Variants in DLC1 observed in about 807,000 individuals in gnomAD.
The protein encoded by DLC1 is rho GTPase-activating protein 7.
DLC1 carries 54 observed loss-of-function variants against 140.3 expected under a neutral mutation model. The ratio of observed to expected loss-of-function variants is 0.38; its 90% CI spans 0.31 to 0.48. The LOEUF (loss-of-function observed/expected upper bound fraction) is 0.48, where lower values mean the gene tolerates loss of function less well. DLC1 is among the 20% of genes least tolerant of loss of function. The pLI is 0.96. For missense variants in DLC1, 2,536 were observed against 1,907.0 expected (o/e 1.33, Z -6.14); for synonymous variants, 986 against 728.1 (o/e 1.35, Z -5.70).
At chr8:13,399,983 GT>G (rs1332567145) in intron 3 of DLC1, among the ~76,000 whole-genome samples, 6 of 152,028 alleles carry the variant, frequency 3.9e-5, no homozygotes, top group African/African-American at 1.2e-4. Context: ...TTGGTAGATG[GT>G]CCAGGTCCTA....
chr8:13,585,398 C>T (rs1215970938), intron 1 of DLC1, among the ~76,000 whole-genome samples: 2 of 151,784 alleles, frequency 1.3e-5, no homozygotes, highest in Non-Finnish European at 2.9e-5. Context: ...ACTCTCATCT[C>T]TATAAAAAAT....
chr8:13,363,815 C>A (rs902083518), intron 4 of DLC1, among the ~76,000 whole-genome samples: 35 of 152,144 alleles, frequency 2.3e-4, no homozygotes, highest in Non-Finnish European at 2.8e-4. Flanking sequence ...TCATTTGGAT[C>A]TTAGATTTGG....
At chr8:13,539,022 G>C (rs1803394917) in intron 1 of DLC1, among the ~76,000 whole-genome samples, 1 of 151,838 alleles carries the variant, frequency 6.6e-6, no homozygotes, top group Non-Finnish European at 1.5e-5. Context: ...AAATTATTTT[G>C]ATCTTCATAG....
At chr8:13,216,462 C>T (rs973682725) in intron 5 of DLC1, among the ~76,000 whole-genome samples, 1 of 152,072 alleles carries the variant, frequency 6.6e-6, no homozygotes, top group African/African-American at 2.4e-5. Flanking sequence ...GGGCTCAAGT[C>T]CATTTCTAGT....
At chr8:13,297,080 T>C (rs962761622) in intron 5 of DLC1, among the ~76,000 whole-genome samples, 4 of 151,538 alleles carry the variant, frequency 2.6e-5, no homozygotes, top group African/African-American at 9.7e-5. Context: ...ATCTTTGGCA[T>C]TGAAGAATAG....
intron 5 of DLC1, among the ~76,000 whole-genome samples, chr8:13,302,545 C>T (rs1832243898): frequency 6.6e-6 from 1 of 152,126 alleles, no homozygotes; most frequent in Non-Finnish European, 1.5e-5. Flanking sequence ...AGCAATCACA[C>T]AACTGTAATT....
At chr8:13,487,134 C>T (rs1030190011) in intron 2 of DLC1, among the ~76,000 whole-genome samples, 3 of 152,124 alleles carry the variant, frequency 2.0e-5, no homozygotes, top group Non-Finnish European at 4.4e-5. Flanking sequence ...CAGTAGTGAC[C>T]GCTTGGTTCT....
Position 13,110,736 on chromosome 8 carries a change from A to G in DLC1, c.1502+6T>C. 6.2e-7 allele frequency: 1 copy of G among 1,613,210 alleles called. No individual in the cohort carries two copies. Among genetic ancestry groups the G allele is most frequent in the Non-Finnish European group, 8.5e-7 (1 of 1,179,518 alleles). ...AAAGGAAAACACTCAAAACGTGTCC[A>G]TTTACCTGCATAGAGCCTCAATGGC... is the stretch of plus-strand genomic sequence containing the variant. On this transcript the variant is annotated splice_donor_region_variant and intron_variant, in intron 7 of 17. Coordinates refer to ENST00000276297, the MANE Select transcript of DLC1 (RefSeq NM_182643.3).
Position 13,499,996 on chromosome 8 carries a change from C to A in DLC1, c.76G>T (p.Asp26Tyr), listed in dbSNP as rs1291192916. 3 of 1,614,108 alleles carry A rather than the reference C, an allele frequency of 1.9e-6. No homozygotes were observed. The highest frequency in any genetic ancestry group is 1.7e-5 in the Admixed American group (1 of 60,018). ...CCATGATGACATGCTGTGTTACGAT[C>A]ATCAGAATTAAAAGGCTGTCCCATC... is the stretch of plus-strand genomic sequence containing the variant. Reference protein sequence around the residue: ...HWMGQPFNSDDRNTACHHGLV... With the variant: ...HWMGQPFNSDYRNTACHHGLV... Residue 26 changes from aspartate to tyrosine, a missense_variant, in exon 2 of 18, where the codon GAT becomes TAT. Transcript: ENST00000276297.
intron 5 of DLC1, among the ~76,000 whole-genome samples, chr8:13,128,917 G>GCAGAACAAATTATGATGGCAAGA (rs1210644388): frequency 2.0e-5 from 3 of 152,106 alleles, no homozygotes. Context: ...TGATGGCAAG[G>GCAGAACAAATTATGATGGCAAGA]CAGAACATTA....
At chr8:13,191,131 A>C (rs893333646) in intron 5 of DLC1, among the ~76,000 whole-genome samples, 6 of 152,192 alleles carry the variant, frequency 3.9e-5, no homozygotes, top group African/African-American at 1.4e-4. Flanking sequence ...ATAGCAAAGA[A>C]AGTGGAGTTC....
chr8:13,541,269 A>T (rs908256137), intron 1 of DLC1, among the ~76,000 whole-genome samples: 1 of 150,692 alleles, frequency 6.6e-6, no homozygotes, highest in Admixed American at 6.6e-5. Flanking sequence ...ACATTCACAT[A>T]CAAGTCTTTG....
intron 5 of DLC1, among the ~76,000 whole-genome samples, chr8:13,192,501 G>A (rs1826818381): frequency 8.5e-5 from 13 of 152,074 alleles, no homozygotes; most frequent in Admixed American, 7.9e-4. Context: ...AATGTTTCCT[G>A]TTTCTAACAC....
At chr8:13,193,426 T>G (rs1196558856) in intron 5 of DLC1, among the ~76,000 whole-genome samples, 1 of 152,112 alleles carries the variant, frequency 6.6e-6, no homozygotes, top group Non-Finnish European at 1.5e-5. Context: ...AAAGTAGGAC[T>G]TAGTAGGAAT....
At chr8:13,295,178 C>G (rs1831899617) in intron 5 of DLC1, among the ~76,000 whole-genome samples, 1 of 152,118 alleles carries the variant, frequency 6.6e-6, no homozygotes, top group African/African-American at 2.4e-5. Flanking sequence ...GTTATTTTCC[C>G]CACTTATCTA....
chr8:13,577,324 A>C (rs1284774068), intron 1 of DLC1, among the ~76,000 whole-genome samples: 1 of 152,188 alleles, frequency 6.6e-6, no homozygotes, highest in Non-Finnish European at 1.5e-5. Context: ...GACTCCATCT[A>C]ATTACAGCTT....
intron 7 of DLC1, among the ~76,000 whole-genome samples, chr8:13,104,809 G>A (rs1819420597): frequency 6.6e-6 from 1 of 152,120 alleles, no homozygotes; most frequent in African/African-American, 2.4e-5. Flanking sequence ...AGAGCGCCTA[G>A]GTTCAGAAAA....
At chr8:13,139,273 A>G (rs1822795597) in intron 5 of DLC1, among the ~76,000 whole-genome samples, 2 of 130,670 alleles carry the variant, frequency 1.5e-5, no homozygotes, top group African/African-American at 2.9e-5. Flanking sequence ...TGGGCCACAG[A>G]GTGAGACCCT....
rs192194464 is a variant in DLC1 at position 13,306,546 on chromosome 8, G to T, written c.1315-1244C>A. Among the ~76,000 whole-genome samples the T allele has an allele frequency of 3.4e-3, 485 of 143,952 alleles. 2 individuals carry two copies. The highest frequency in any genetic ancestry group is 0.011 in the African/African-American group (447 of 39,336). The allele number at this position is 143,952 out of a possible 152,430, so 94.4% of individuals were successfully genotyped here. On this transcript the variant is annotated intron_variant, in intron 4 of 17. Transcript: ENST00000276297. ...AAAGCACACTCAAATGGGTATTTGT[G>T]TGTGTGTGTGTTTGTGTGTGTGTGT...
Sources: gnomAD v4.1 joint callset for allele counts (sites outside exome capture counted in the v4.1 genomes callset) on GRCh38, gnomAD v4.1.1 for gene constraint, MANE v1.5 for transcripts, NCBI Gene and HGNC (gene_info 2026-07-23, HGNC 2026-07-21) for gene names.